EPB41L4A: variants seen among roughly 807,000 people sequenced by gnomAD.
The protein encoded by EPB41L4A is band 4.1-like protein 4A.
EPB41L4A carries 100 observed loss-of-function variants against 108.6 expected under a neutral mutation model. That is an observed-to-expected ratio of 0.92 (90% CI 0.78 to 1.09). The LOEUF is 1.09. EPB41L4A is among the 50% of genes least tolerant of loss of function. The pLI is 0.00. For synonymous variants in EPB41L4A, 319 were observed against 289.0 expected (o/e 1.10, Z -1.05); for missense variants, 1,030 against 842.7 (o/e 1.22, Z -2.75).
At chr5:112,382,455 C>T (rs1194997859) in intron 1 of EPB41L4A, among the ~76,000 whole-genome samples, 2 of 152,148 alleles carry the variant, frequency 1.3e-5, no homozygotes, top group Non-Finnish European at 2.9e-5. Flanking sequence ...TTGGGAATGG[C>T]CAATGGTAAA....
intron 1 of EPB41L4A, among the ~76,000 whole-genome samples, chr5:112,320,345 G>C (rs879504800): frequency 2.0e-5 from 3 of 152,192 alleles, no homozygotes; most frequent in Non-Finnish European, 4.4e-5. Context: ...GGATTCTGCT[G>C]CAAGTATGGG....
chr5:112,356,512 G>T (rs1490840861), intron 1 of EPB41L4A, among the ~76,000 whole-genome samples: 1 of 152,158 alleles, frequency 6.6e-6, no homozygotes, highest in African/African-American at 2.4e-5. Context: ...CTGATATGAA[G>T]ATACTATGCT....
At chr5:112,299,278 T>C (rs1021413839) in intron 2 of EPB41L4A, among the ~76,000 whole-genome samples, 1 of 152,206 alleles carries the variant, frequency 6.6e-6, no homozygotes, top group African/African-American at 2.4e-5. Flanking sequence ...GATACAGGCA[T>C]TTAAGGCTAT....
At chr5:112,316,812 T>C (rs1472418015) in intron 1 of EPB41L4A, among the ~76,000 whole-genome samples, 2 of 152,196 alleles carry the variant, frequency 1.3e-5, no homozygotes, top group African/African-American at 2.4e-5. Flanking sequence ...TGGAGAGGTC[T>C]ACCTGGGCTG....
rs1445341462 is a variant in EPB41L4A, at chr5:112,419,069, G to A, written c.-30C>T. The A allele has an allele frequency of 1.3e-6, 2 of 1,566,064 alleles. No individual in the cohort carries two copies. Among genetic ancestry groups the A allele is most frequent in the African/African-American group, 1.4e-5 (1 of 73,764 alleles). ...GTTGTGGTCGTCTCCAGCCAGGAGA[G>A]AAAGCTACCACCGAGGCGCCCAGCC... On this transcript the variant is annotated 5_prime_UTR_variant, in exon 1 of 23. Coordinates refer to ENST00000261486, the MANE Select transcript of EPB41L4A (RefSeq NM_022140.5).
intron 1 of EPB41L4A, among the ~76,000 whole-genome samples, chr5:112,316,894 G>A (rs1755461928): frequency 6.6e-6 from 1 of 152,168 alleles, no homozygotes; most frequent in South Asian, 2.1e-4. Context: ...GAAGCTGGCT[G>A]GGCCACTCAC....
At chr5:112,260,617 C>T (rs1375263471) in intron 7 of EPB41L4A, among the ~76,000 whole-genome samples, 1 of 152,132 alleles carries the variant, frequency 6.6e-6, no homozygotes, top group Non-Finnish European at 1.5e-5. Flanking sequence ...CCACCTATAA[C>T]TTTAAGAGTG....
chr5:112,418,670 G>C (rs1762865843), intron 1 of EPB41L4A, among the ~76,000 whole-genome samples: 2 of 152,280 alleles, frequency 1.3e-5, no homozygotes, highest in South Asian at 4.2e-4. Context: ...GAGAAAACCG[G>C]TTTGGGGAAG....
upstream of EPB41L4A, chr5:112,419,608 C>T: frequency 2.2e-6 from 1 of 455,110 alleles, no homozygotes; most frequent in Non-Finnish European, 4.4e-6. Flanking sequence ...ATGAAGCGCT[C>T]GGCTTTTCTT....
At chr5:112,271,021 C>A (rs1436831272) in intron 4 of EPB41L4A, among the ~76,000 whole-genome samples, 3 of 152,152 alleles carry the variant, frequency 2.0e-5, no homozygotes, top group Non-Finnish European at 2.9e-5. Context: ...GTCAGCAAGA[C>A]AACTGACAGA....
At chr5:112,296,802 C>T (rs1007167599) in intron 2 of EPB41L4A, among the ~76,000 whole-genome samples, 2 of 152,052 alleles carry the variant, frequency 1.3e-5, no homozygotes, top group African/African-American at 4.8e-5. Context: ...TTGTATCATT[C>T]TTATGCCTTT....
chr5:112,161,394 C>T (rs1288661191), downstream of EPB41L4A: 1 of 418,808 alleles, frequency 2.4e-6, no homozygotes, highest in East Asian at 5.9e-5. Context: ...GAAAATTTCT[C>T]TGAAATGTAT....
chr5:112,237,336 G>T (rs181323903), intron 11 of EPB41L4A, among the ~76,000 whole-genome samples: 2 of 152,022 alleles, frequency 1.3e-5, no homozygotes, highest in Non-Finnish European at 2.9e-5. Context: ...AAAAAAGTCC[G>T]ATTTTTCCCT....
intron 1 of EPB41L4A, among the ~76,000 whole-genome samples, chr5:112,411,625 C>CAAA (rs397971185): frequency 2.3e-4 from 30 of 128,162 alleles, no homozygotes; most frequent in African/African-American, 8.1e-4. Context: ...CTGGGGCTGG[C>CAAA]AAAAAAAAAA....
chr5:112,333,095 C>T (rs1756670464), intron 1 of EPB41L4A, among the ~76,000 whole-genome samples: 1 of 152,164 alleles, frequency 6.6e-6, no homozygotes, highest in Admixed American at 6.5e-5. Flanking sequence ...AGCTACTCTG[C>T]TGCTCAATAG....
chr5:112,414,342 C>T (rs547684451), intron 1 of EPB41L4A, among the ~76,000 whole-genome samples: 36 of 152,278 alleles, frequency 2.4e-4, no homozygotes, highest in Non-Finnish European at 4.7e-4. Context: ...GCAACAAAGA[C>T]ATAAGAACAA....
chr5:112,399,378 G>A (rs1442750188), intron 1 of EPB41L4A, among the ~76,000 whole-genome samples: 2 of 152,104 alleles, frequency 1.3e-5, no homozygotes, highest in Non-Finnish European at 2.9e-5. Context: ...CCAGACCTGT[G>A]TAATCACCAT....
chr5:112,170,215 C>T, intron 20 of EPB41L4A, 86 bp downstream of exon 20: 1 of 1,323,164 alleles, frequency 7.6e-7, no homozygotes, highest in Non-Finnish European at 1.1e-6. Context: ...AATTAAAGCA[C>T]TGTCTGGAAC....
chr5:112,239,496 C>G (rs1749615217), intron 11 of EPB41L4A, 164 bp downstream of exon 11: 2 of 433,338 alleles, frequency 4.6e-6, no homozygotes, highest in Non-Finnish European at 8.2e-6. Context: ...TCTGGAAAAT[C>G]ATGTTTGTTG....
Sources: allele counts gnomAD v4.1 joint callset (sites outside exome capture counted in the v4.1 genomes callset), GRCh38; gene constraint gnomAD v4.1.1; transcripts MANE v1.5; gene names NCBI Gene and HGNC (gene_info 2026-07-23, HGNC 2026-07-21).